The following SYN3 variants were observed in gnomAD, a reference collection of about 807,000 sequenced individuals.
SYN3 encodes the protein synapsin III, also known as synapsin-3.
SYN3 carries 35 observed loss-of-function variants against 65.8 expected under a neutral mutation model. The observed-to-expected ratio is 0.53, with a 90% CI of 0.41 to 0.70. The LOEUF (loss-of-function observed/expected upper bound fraction) is 0.70. SYN3 is among the 30% of genes least tolerant of loss of function. The pLI is 0.00. For missense variants in SYN3, 680 were observed against 749.0 expected, an observed-to-expected ratio of 0.91 and a Z score of 1.08; for synonymous variants, 270 against 292.9, an observed-to-expected ratio of 0.92 and a Z score of 0.80.
Position 33,006,632 on chromosome 22 carries a change from T to G in SYN3, c.31A>C (p.Ser11Arg), listed in dbSNP as rs1237563982. ...TTAGGCAGGTTGGCCATGAAGCTGC[T>G]GTCAGAGAGACGTCGCCGGAGGAAA... MNFLRRRLSD[S>R]SFMANLPNGY... The change falls in exon 2 of 14, where the codon AGC becomes CGC. Residue 11 changes from serine to arginine, a missense_variant. Physicochemically the swap from Ser to Arg is moderately radical, Grantham distance 110. Transcript: ENST00000358763. 6.3e-7 allele frequency: 1 copy of G among 1,597,488 alleles called. No individual in the cohort carries two copies. Among genetic ancestry groups the G allele is most frequent in the East Asian group, 2.2e-5 (1 of 44,658 alleles).
chr22:33,037,038 T>G (rs1024894234), intron 1 of SYN3, among the ~76,000 whole-genome samples: 6 of 152,136 alleles, frequency 3.9e-5, no homozygotes, highest in African/African-American at 1.4e-4. Context: ...TCCCAGCGCT[T>G]CCAAGTGTAT....
chr22:32,557,735 C>A (rs1467094505), intron 7 of SYN3, among the ~76,000 whole-genome samples: 2 of 152,190 alleles, frequency 1.3e-5, no homozygotes, highest in African/African-American at 4.8e-5. Context: ...CTTTCCCAGC[C>A]TCGTCACATG....
intron 6 of SYN3, among the ~76,000 whole-genome samples, chr22:32,737,638 T>C (rs922086049): frequency 3.3e-5 from 5 of 152,224 alleles, no homozygotes; most frequent in Non-Finnish European, 2.9e-5. Context: ...ATCTTTTCTA[T>C]ACATAGTCTC....
chr22:32,885,517 G>A (rs2049263057), intron 4 of SYN3, among the ~76,000 whole-genome samples: 1 of 151,624 alleles, frequency 6.6e-6, no homozygotes, highest in Non-Finnish European at 1.5e-5. Context: ...AATCCTCCCG[G>A]CAGGTACATC....
At chr22:32,783,297 CCA>C (rs1243915516) in intron 6 of SYN3, 6 of 152,204 alleles carry the variant, frequency 3.9e-5, no homozygotes, top group Admixed American at 3.9e-4. Flanking sequence ...AGAAGGCTGT[CCA>C]CTGGGACGGG....
intron 7 of SYN3, among the ~76,000 whole-genome samples, chr22:32,570,809 G>A (rs1197038129): frequency 6.6e-6 from 1 of 152,040 alleles, no homozygotes; most frequent in Non-Finnish European, 1.5e-5. Flanking sequence ...CTCAGCACTG[G>A]GATGCTGACT....
At chr22:32,986,620 G>C (rs1395981286) in intron 2 of SYN3, among the ~76,000 whole-genome samples, 2 of 152,134 alleles carry the variant, frequency 1.3e-5, no homozygotes, top group Non-Finnish European at 2.9e-5. Flanking sequence ...GGATGGTCTG[G>C]AATTCTAGAT....
At chr22:32,536,311 G>A (rs1234311110) in intron 9 of SYN3, among the ~76,000 whole-genome samples, 1 of 152,224 alleles carries the variant, frequency 6.6e-6, no homozygotes, top group Non-Finnish European at 1.5e-5. Flanking sequence ...CAGGTTGAAG[G>A]TGGCAGCTGC....
At chr22:33,033,355 C>T (rs1293191646) in intron 1 of SYN3, among the ~76,000 whole-genome samples, 1 of 151,794 alleles carries the variant, frequency 6.6e-6, no homozygotes, top group African/African-American at 2.4e-5. Flanking sequence ...GCTCACAGGC[C>T]TTTGCACCGG....
intron 7 of SYN3, among the ~76,000 whole-genome samples, chr22:32,552,316 A>T (rs1275370547): frequency 6.6e-6 from 1 of 152,272 alleles, no homozygotes. Flanking sequence ...TGAGAATTAG[A>T]TCTGAAAAAA....
At chr22:32,637,630 C>CTTTTTTTTTTTTTTT (rs1185407986) in intron 6 of SYN3, among the ~76,000 whole-genome samples, 33 of 93,556 alleles carry the variant, frequency 3.5e-4, no homozygotes, top group Non-Finnish European at 5.1e-4. Context: ...TTTTCTTTTT[C>CTTTTTTTTTTTTTTT]TTTTTTTTTT....
intron 2 of SYN3, among the ~76,000 whole-genome samples, chr22:32,990,645 C>T (rs915662224): frequency 6.6e-6 from 1 of 152,210 alleles, no homozygotes; most frequent in Non-Finnish European, 1.5e-5. Context: ...AGAAGAGGAA[C>T]TAGACCAAAT....
At chr22:32,709,646 T>A (rs1002770044) in intron 6 of SYN3, among the ~76,000 whole-genome samples, 1 of 152,096 alleles carries the variant, frequency 6.6e-6, no homozygotes, top group African/African-American at 2.4e-5. Flanking sequence ...AAAAAAGGAA[T>A]ATCACCTCCA....
At chr22:32,961,037 C>T (rs770957842) in intron 3 of SYN3, among the ~76,000 whole-genome samples, 5 of 152,138 alleles carry the variant, frequency 3.3e-5, no homozygotes, top group Admixed American at 6.5e-5. Flanking sequence ...TTGAGTTGTT[C>T]GGTCTAGAAG....
chr22:32,906,087 T>A (rs939420062), intron 4 of SYN3, among the ~76,000 whole-genome samples: 12 of 152,052 alleles, frequency 7.9e-5, no homozygotes, highest in Non-Finnish European at 1.3e-4. Flanking sequence ...TGGAAGCAGA[T>A]CCCCTCCAAG....
rs1301683204 is a variant in SYN3 at position 32,893,831 on chromosome 22, G to C, written c.462-24706C>G. On this transcript the variant is annotated intron_variant, in intron 4 of 13. Transcript: ENST00000358763. The stretch of plus-strand genomic sequence containing the variant: ...ATGGCAGTGAGCTGGCCTGTCCCTT[G>C]CTGGGCTTCACTGTATCACATACAT... Among the ~76,000 whole-genome samples the C allele has an allele frequency of 2.6e-5, 4 of 152,196 alleles. No homozygotes were observed. In the South Asian group the frequency reaches 6.2e-4, roughly 24 times the overall value.
At chr22:32,919,739 T>G (rs2050286283) in intron 4 of SYN3, among the ~76,000 whole-genome samples, 1 of 152,218 alleles carries the variant, frequency 6.6e-6, no homozygotes, top group Admixed American at 6.5e-5. Flanking sequence ...TTAAGTTTCT[T>G]GATGGGATGT....
At chr22:33,015,382 A>G (rs772249574) in intron 1 of SYN3, 61 of 443,582 alleles carry the variant, frequency 1.4e-4, no homozygotes, top group Non-Finnish European at 2.5e-4. Flanking sequence ...TTTGTAATGA[A>G]AGAGCTAGAA....
At chr22:32,822,350 T>C (rs1287807621) in intron 6 of SYN3, among the ~76,000 whole-genome samples, 1 of 152,102 alleles carries the variant, frequency 6.6e-6, no homozygotes, top group Non-Finnish European at 1.5e-5. Context: ...GATTTCCAGA[T>C]GATGTCCCTG....
Sources: gnomAD v4.1 joint callset for allele counts (sites outside exome capture counted in the v4.1 genomes callset) on GRCh38, gnomAD v4.1.1 for gene constraint, MANE v1.5 for transcripts, NCBI Gene and HGNC (gene_info 2026-07-23, HGNC 2026-07-21) for gene names.